The following VWA5A variants were observed in gnomAD, a reference collection of about 807,000 sequenced individuals.
VWA5A encodes von Willebrand factor A domain-containing protein 5A.
Under a neutral mutation model 84.6 loss-of-function variants are expected in VWA5A, and 77 were observed. That is an observed-to-expected ratio of 0.91 (90% CI 0.76 to 1.10). The LOEUF (loss-of-function observed/expected upper bound fraction) is 1.10. VWA5A is among the 50% of genes least tolerant of loss of function. The pLI, the probability that VWA5A is intolerant of heterozygous loss-of-function variation, is 0.00. For missense variants in VWA5A, 973 were observed against 963.0 expected, an observed-to-expected ratio of 1.01 and a Z score of -0.14; for synonymous variants, 334 against 350.1, an observed-to-expected ratio of 0.95 and a Z score of 0.51.
intron 2 of VWA5A, 142 bp from the exon 3 acceptor site, chr11:124,117,355 T>A (rs1403263946): frequency 1.2e-6 from 1 of 800,336 alleles, no homozygotes; most frequent in African/African-American, 1.7e-5. Flanking sequence ...CTTTGTCTCC[T>A]TTTTTTTAAA....
Position 124,117,542 on chromosome 11 carries a change from CACCGGGAGCCAGGTAAGCCTAATTTGTG to C in VWA5A, c.34_43+18del, listed in dbSNP as rs1565613311. ...GCACTTCTGTGGCCTACTCACCCTC[CACCGGGAGCCAGGTAAGCCTAATTTGTG>C]ACTCTTACTTGCCATTGAATCTTTG... is the stretch of plus-strand genomic sequence containing the variant. On this transcript the variant is annotated splice_donor_variant and splice_donor_5th_base_variant and coding_sequence_variant and intron_variant, in exon 3 of 19. Transcript: ENST00000456829. LOFTEE classifies it high-confidence loss of function. 6.2e-7 allele frequency: 1 copy of C among 1,614,218 alleles called. No homozygotes were observed. The highest frequency in any genetic ancestry group is 2.2e-5 in the East Asian group (1 of 44,886).
intron 14 of VWA5A, 33 bp downstream of exon 14, chr11:124,136,707 T>C (rs1565620705): frequency 1.0e-6 from 1 of 957,136 alleles, no homozygotes; most frequent in Non-Finnish European, 1.5e-6. Flanking sequence ...CTTCCTTCCT[T>C]CCTTCCTTCC....
intron 13 of VWA5A, 48 bp downstream of exon 13, chr11:124,136,341 G>T (rs1565620449): frequency 6.3e-7 from 1 of 1,587,314 alleles, no homozygotes; most frequent in South Asian, 1.1e-5. Context: ...GCTACCACAT[G>T]ACCATTCCAC....
intron 18 of VWA5A, 69 bp downstream of exon 18, chr11:124,145,432 G>A (rs1217648403): frequency 7.3e-6 from 11 of 1,500,578 alleles, no homozygotes; most frequent in African/African-American, 4.2e-5. Flanking sequence ...CCACAAGAGA[G>A]TCCCATTGTC....
Position 124,142,504 on chromosome 11 carries a change from C to G in VWA5A, c.2086C>G (p.Leu696Val), listed in dbSNP as rs1319231229. ...YHQNANGSWD[L>V]NEDLAKILGM... Reference sequence around the variant, plus strand: ...CCAAAATGCAAATGGTTCCTGGGATCTGAATGAAGATCTAGCCAAGATCCT... The same window carrying G: ...CCAAAATGCAAATGGTTCCTGGGATGTGAATGAAGATCTAGCCAAGATCCT... Residue 696 changes from leucine (L) to valine (V), a missense_variant, in exon 17 of 19, where the codon CTG becomes GTG. By Grantham distance (32) the Leu-to-Val change is conservative. Coordinates refer to ENST00000456829, the MANE Select transcript of VWA5A (RefSeq NM_001130142.2). 1 of 1,614,150 alleles carries G rather than the reference C, an allele frequency of 6.2e-7. No individual in the cohort carries two copies. Among genetic ancestry groups the G allele is most frequent in the Non-Finnish European group, 8.5e-7 (1 of 1,180,036 alleles).
chr11:124,136,762 C>A (rs1174266672), intron 14 of VWA5A, 88 bp downstream of exon 14: 3 of 830,848 alleles, frequency 3.6e-6, no homozygotes, highest in Non-Finnish European at 5.5e-6. Context: ...CCCTCCCTCC[C>A]TCCCTCCCTC....
intron 11 of VWA5A, among the ~76,000 whole-genome samples, chr11:124,128,681 T>C (rs1156782506): frequency 6.6e-6 from 1 of 152,184 alleles, no homozygotes; most frequent in African/African-American, 2.4e-5. Flanking sequence ...TTAGTTCTCC[T>C]TGAAGAGGTC....
chr11:124,140,480 T>C (rs1359079802), intron 15 of VWA5A, among the ~76,000 whole-genome samples: 1 of 152,150 alleles, frequency 6.6e-6, no homozygotes, highest in East Asian at 1.9e-4. Context: ...ATTTTTTTTT[T>C]TGAGTCAGGA....
intron 15 of VWA5A, 152 bp from the exon 16 acceptor site, chr11:124,141,446 G>A (rs981090711): frequency 8.9e-5 from 78 of 878,254 alleles, no homozygotes; most frequent in Middle Eastern, 3.5e-4. Flanking sequence ...GAGGGTTTGC[G>A]CAGGAGGTGG....
At chr11:124,124,420 G>A in intron 11 of VWA5A, 104 bp downstream of exon 11, 1 of 1,448,998 alleles carries the variant, frequency 6.9e-7, no homozygotes, top group Non-Finnish European at 9.1e-7. Flanking sequence ...AGGACCAAAT[G>A]ATTTCAGAAT....
At position 124,119,000 on chromosome 11, in the gene VWA5A, T is replaced by G. The variant is rs1864887921; in HGVS notation, c.671T>G (p.Phe224Cys). 1 of 1,614,082 alleles carries G rather than the reference T, an allele frequency of 6.2e-7. No homozygotes were observed. Among genetic ancestry groups the G allele is most frequent in the Admixed American group, 1.7e-5 (1 of 60,010 alleles). Residue 224 changes from phenylalanine (F) to cysteine (C), a missense_variant, in exon 7 of 19, where the codon TTT becomes TGT. Physicochemically the swap from Phe to Cys is radical, Grantham distance 205. Coordinates refer to ENST00000456829, the MANE Select transcript of VWA5A (RefSeq NM_001130142.2). ...GTTTCCCTGGCTGCTGGACACAAGT[T>G]TGATCGGGACGTGGAACTCCTGATT... ...AQVSLAAGHK[F>C]DRDVELLIYY...
rs992756427 is a variant in VWA5A, at chr11:124,144,212, A to G, written c.2155-1025A>G. ...AAAAAAGAAAAACAACATAGTAGGA[A>G]TAAAAGCTAAGTACTGTTTTGGGTT... On this transcript the variant is annotated intron_variant, in intron 17 of 18. Transcript: ENST00000456829. Among the ~76,000 whole-genome samples, 4 of 152,300 alleles carry G rather than the reference A, an allele frequency of 2.6e-5. No homozygotes were observed. The East Asian group carries it at 7.7e-4, about 29-fold the overall frequency.
At chr11:124,132,942 C>T (rs911208939) in intron 11 of VWA5A, among the ~76,000 whole-genome samples, 2 of 152,138 alleles carry the variant, frequency 1.3e-5, no homozygotes, top group Admixed American at 1.3e-4. Context: ...TGACATTTGC[C>T]ATTGTCATCC....
intron 7 of VWA5A, among the ~76,000 whole-genome samples, chr11:124,122,080 T>C (rs1864940607): frequency 6.6e-6 from 1 of 152,248 alleles, no homozygotes; most frequent in South Asian, 2.1e-4. Flanking sequence ...TGAGCCAGAT[T>C]CTATTGTCAT....
chr11:124,124,920 C>G (rs1406771242), intron 11 of VWA5A: 1 of 144,638 alleles, frequency 6.9e-6, no homozygotes, highest in African/African-American at 2.7e-5. Context: ...AGCCATAGTT[C>G]ATTTTCATTG....
At chr11:124,131,871 A>T (rs1003876089) in intron 11 of VWA5A, among the ~76,000 whole-genome samples, 3 of 151,874 alleles carry the variant, frequency 2.0e-5, no homozygotes, top group Admixed American at 2.0e-4. Flanking sequence ...AATCAAAATG[A>T]TCATATCCTT....
intron 11 of VWA5A, among the ~76,000 whole-genome samples, chr11:124,127,136 A>G (rs1865029797): frequency 1.3e-5 from 2 of 152,184 alleles, no homozygotes; most frequent in African/African-American, 4.8e-5. Context: ...CATCATCTGC[A>G]TTAGATATTT....
At position 124,136,169 on chromosome 11, in the gene VWA5A, A is replaced by C. The variant is rs1404430469; in HGVS notation, c.1400A>C (p.Glu467Ala). ...TLKRSLQPVV[E>A]DVSLSWHLPP... Reference sequence around the variant, plus strand: ...AAACGCTCTCTGCAGCCTGTGGTAGAGGATGTCTCTCTGAGCTGGCATTTG... The same window carrying C: ...AAACGCTCTCTGCAGCCTGTGGTAGCGGATGTCTCTCTGAGCTGGCATTTG... The change falls in exon 13 of 19, where the codon GAG becomes GCG. Residue 467 changes from glutamate to alanine, a missense_variant. Physicochemically the swap from Glu to Ala is moderately radical, Grantham distance 107. Transcript: ENST00000456829. 5 of 1,614,168 alleles carry C rather than the reference A, an allele frequency of 3.1e-6. No homozygotes were observed. In the South Asian group the frequency reaches 5.5e-5, roughly 18 times the overall value.
chr11:124,138,778 G>A (rs1359897713), intron 15 of VWA5A, among the ~76,000 whole-genome samples: 2 of 152,110 alleles, frequency 1.3e-5, no homozygotes, highest in African/African-American at 4.8e-5. Context: ...CTATACACAA[G>A]AGGTAACCTC....
Sources: gnomAD v4.1 joint callset for allele counts (sites outside exome capture counted in the v4.1 genomes callset) on GRCh38, gnomAD v4.1.1 for gene constraint, MANE v1.5 for transcripts, NCBI Gene and HGNC (gene_info 2026-07-23, HGNC 2026-07-21) for gene names.